GPHN: variants seen among roughly 807,000 people sequenced by gnomAD.
GPHN encodes gephyrin.
Under a neutral mutation model 95.5 loss-of-function variants are expected in GPHN, and 17 were observed. The ratio of observed to expected loss-of-function variants is 0.18; its 90% confidence interval spans 0.12 to 0.27. The LOEUF (loss-of-function observed/expected upper bound fraction) is 0.27, where lower values mean the gene tolerates loss of function less well. Ranked by LOEUF, GPHN falls within the 10% of genes least tolerant of loss-of-function variation. The pLI is 1.00. For synonymous variants in GPHN, 320 were observed against 322.5 expected (o/e 0.99, Z 0.08); for missense variants, 660 against 978.1 (o/e 0.67, Z 4.34).
chr14:67,546,014 G>A, the GPHN span, among the ~76,000 whole-genome samples: 1 of 152,160 alleles, frequency 6.6e-6, no homozygotes, highest in African/African-American at 2.4e-5. Flanking sequence ...GGCTAACCTG[G>A]GGGTTGCAAA....
At chr14:67,182,227 A>G (rs922363301), downstream of GPHN, among the ~76,000 whole-genome samples, 3 of 152,248 alleles carry the variant, frequency 2.0e-5, no homozygotes, top group Non-Finnish European at 4.4e-5. Flanking sequence ...TAACCGTGTT[A>G]GAAAGGAAGT....
chr14:67,445,577 C>CTTTTTTTTTTTTTTTTTTTTTTTT, the GPHN span, among the ~76,000 whole-genome samples: 20 of 59,932 alleles, frequency 3.3e-4, no homozygotes, highest in African/African-American at 6.0e-4. Context: ...AGAGGCAATT[C>CTTTTTTTTTTTTTTTTTTTTTTTT]TTTTTTTTTT....
chr14:66,522,881 C>A (rs1409345536), intron 1 of GPHN, among the ~76,000 whole-genome samples: 1 of 151,838 alleles, frequency 6.6e-6, no homozygotes, highest in African/African-American at 2.4e-5. Context: ...TAGAAACTGA[C>A]CAGTCTTGGT....
chr14:66,984,145 G>A (rs1290514417), intron 9 of GPHN, among the ~76,000 whole-genome samples: 2 of 152,152 alleles, frequency 1.3e-5, no homozygotes, highest in Non-Finnish European at 2.9e-5. Context: ...AGCCTCATGA[G>A]GCATCAGACT....
At chr14:67,010,576 A>T (rs2072932453) in intron 9 of GPHN, among the ~76,000 whole-genome samples, 1 of 151,714 alleles carries the variant, frequency 6.6e-6, no homozygotes, top group Admixed American at 6.6e-5. Context: ...AAAAGAAAGA[A>T]AAAAAAGAAT....
intron 3 of GPHN, among the ~76,000 whole-genome samples, chr14:66,801,866 C>T (rs770367072): frequency 2.6e-5 from 4 of 152,024 alleles, no homozygotes; most frequent in Non-Finnish European, 5.9e-5. Flanking sequence ...TGGTGTAGCA[C>T]AAGCACCCTT....
the GPHN span, among the ~76,000 whole-genome samples, chr14:67,617,717 G>GTTGTTTGT: frequency 6.6e-6 from 1 of 152,156 alleles, no homozygotes; most frequent in East Asian, 1.9e-4. Flanking sequence ...GAGGTTTTTT[G>GTTGTTTGT]TTGTTTGTTT....
At chr14:67,397,885 G>T in the GPHN span, 1 of 1,415,666 alleles carries the variant, frequency 7.1e-7, no homozygotes, top group Non-Finnish European at 9.6e-7. Flanking sequence ...ATGGTGTTCA[G>T]GGAGGGGGTG....
At chr14:67,505,148 C>T in the GPHN span, among the ~76,000 whole-genome samples, 1 of 152,014 alleles carries the variant, frequency 6.6e-6, no homozygotes, top group South Asian at 2.1e-4. Flanking sequence ...AAGAAGGATG[C>T]GCATTTTCAA....
chr14:67,681,979 A>T, the GPHN span, among the ~76,000 whole-genome samples: 168 of 152,260 alleles, frequency 1.1e-3, no homozygotes, highest in African/African-American at 3.9e-3. Context: ...TGTCACTATC[A>T]TGGGAGTGGG....
chr14:67,612,739 C>T, the GPHN span, among the ~76,000 whole-genome samples: 2 of 152,086 alleles, frequency 1.3e-5, no homozygotes, highest in South Asian at 4.1e-4. Flanking sequence ...GAGTTCGAAA[C>T]CAGCCTGGCC....
At chr14:66,791,111 G>A (rs868406112) in intron 3 of GPHN, among the ~76,000 whole-genome samples, 2 of 152,146 alleles carry the variant, frequency 1.3e-5, no homozygotes, top group Non-Finnish European at 2.9e-5. Flanking sequence ...TTTATCAAGA[G>A]GGGCTTTTAA....
the GPHN span, among the ~76,000 whole-genome samples, chr14:67,373,468 C>A: frequency 1.3e-5 from 2 of 152,130 alleles, 1 homozygote; most frequent in South Asian, 4.1e-4. Flanking sequence ...CATAATAAGT[C>A]AGCAAACAAG....
chr14:67,718,073 T>G, the GPHN span, among the ~76,000 whole-genome samples: 1 of 152,186 alleles, frequency 6.6e-6, no homozygotes, highest in Admixed American at 6.5e-5. Flanking sequence ...TCATTATTAT[T>G]GGTTAAAACA....
In GPHN at chr14:66,895,455, T is replaced by TA. The variant is rs548622227; in HGVS notation, c.389+15423dup. Among the ~76,000 whole-genome samples the TA allele has an allele frequency of 8.3e-4, 127 of 152,254 alleles. 1 individual carries two copies. The East Asian group carries it at 0.021, about 26-fold the overall frequency. ...CAAACCAACATGGCACATGTATACATATGTAACAAACCTGCACATTGTGCA... is the reference window on the plus strand; with the variant it reads ...CAAACCAACATGGCACATGTATACATAATGTAACAAACCTGCACATTGTGCA... On this transcript the variant is annotated intron_variant, in intron 5 of 22. Transcript: ENST00000478722.
chr14:67,468,186 C>G, the GPHN span, among the ~76,000 whole-genome samples: 57 of 152,268 alleles, frequency 3.7e-4, no homozygotes, highest in East Asian at 2.1e-3. Flanking sequence ...GTTGGCCACG[C>G]TGGTCTCTAA....
At chr14:66,680,724 A>G (rs73287803) in intron 1 of GPHN, among the ~76,000 whole-genome samples, 6,054 of 152,228 alleles carry the variant, frequency 0.04, 436 homozygotes, top group African/African-American at 0.14. Context: ...TTGCTCGCCA[A>G]TATTTTTAAA....
At chr14:67,085,103 A>G (rs2076832957) in intron 11 of GPHN, among the ~76,000 whole-genome samples, 1 of 152,170 alleles carries the variant, frequency 6.6e-6, no homozygotes, top group South Asian at 2.1e-4. Context: ...CATTTTTCTC[A>G]TTTGAGCCTC....
chr14:66,978,226 G>A (rs2070395433), intron 9 of GPHN, among the ~76,000 whole-genome samples: 1 of 152,188 alleles, frequency 6.6e-6, no homozygotes, highest in South Asian at 2.1e-4. Context: ...GGTAGTGGCT[G>A]CTGAAGGCTG....
Sources: gnomAD v4.1 joint callset for allele counts (sites outside exome capture counted in the v4.1 genomes callset) on GRCh38, gnomAD v4.1.1 for gene constraint, MANE v1.5 for transcripts, NCBI Gene and HGNC (gene_info 2026-07-23, HGNC 2026-07-21) for gene names.